CUX2: variants seen among roughly 807,000 people sequenced by gnomAD.
The protein encoded by CUX2 is cut like homeobox 2.
A neutral mutation model predicts 144.8 loss-of-function variants in CUX2; 40 were observed. That is an observed-to-expected ratio of 0.28 (90% confidence interval 0.21 to 0.36). CUX2 has a LOEUF of 0.36. Among genes scored for constraint, CUX2 ranks in the 10% least tolerant of loss-of-function variants. The pLI, the probability that CUX2 is intolerant of heterozygous loss-of-function variation, is 1.00. For synonymous variants in CUX2, 827 were observed against 875.6 expected, an observed-to-expected ratio of 0.94 and a Z score of 0.98; for missense variants, 1,615 against 1,994.0, an observed-to-expected ratio of 0.81 and a Z score of 3.62.
chr12:111,270,384 C>T (rs922058380), intron 4 of CUX2: 1 of 152,008 alleles, frequency 6.6e-6, no homozygotes, highest in Non-Finnish European at 1.5e-5. Flanking sequence ...AAGTGTGCAG[C>T]CTGGATGTCT....
At chr12:111,211,705 G>T (rs765949467) in intron 1 of CUX2, among the ~76,000 whole-genome samples, 1 of 152,086 alleles carries the variant, frequency 6.6e-6, no homozygotes, top group Non-Finnish European at 1.5e-5. Flanking sequence ...CTAACACGGT[G>T]AAACCCTGTC....
At chr12:111,308,146 A>G in intron 12 of CUX2, 139 bp from the exon 13 acceptor site, 1 of 945,414 alleles carries the variant, frequency 1.1e-6, no homozygotes. Context: ...CTGGGGTTGC[A>G]ATGACTCTGG....
chr12:111,296,945 G>GTCCCAGACACGCCTCTACCCTCTGGCCC, intron 8 of CUX2, among the ~76,000 whole-genome samples: 1 of 56,072 alleles, frequency 1.8e-5, no homozygotes, highest in Admixed American at 1.8e-4. Flanking sequence ...CCCTCTGGCC[G>GTCCCAGACACGCCTCTACCCTCTGGCCC]TCCCAGAGAG....
chr12:111,259,073 TTGTG>T (rs72357793), intron 3 of CUX2, among the ~76,000 whole-genome samples: 4 of 89,120 alleles, frequency 4.5e-5, no homozygotes, highest in Non-Finnish European at 6.8e-5. Context: ...GTGTGTGTGT[TTGTG>T]TGTGTGTGTG....
Position 111,300,032 on chromosome 12 carries a change from G to A in CUX2, c.753+1443G>A, listed in dbSNP as rs528914461. On this transcript the variant is annotated intron_variant, in intron 9 of 21. Coordinates refer to ENST00000261726, the MANE Select transcript of CUX2 (RefSeq NM_015267.4). Reference sequence around the variant, plus strand: ...TAGCCAGTTAGCTGGGAACAGAGGCGTGTGCCACCACGCCGTGCTAATTTT... The same window carrying A: ...TAGCCAGTTAGCTGGGAACAGAGGCATGTGCCACCACGCCGTGCTAATTTT... Among the ~76,000 whole-genome samples the A allele has an allele frequency of 1.1e-3, 164 of 152,326 alleles. 1 individual carries two copies. In the South Asian group the frequency reaches 0.013, roughly 12 times the overall value.
At chr12:111,151,096 G>A (rs1877024834) in intron 1 of CUX2, among the ~76,000 whole-genome samples, 1 of 152,182 alleles carries the variant, frequency 6.6e-6, no homozygotes, top group Non-Finnish European at 1.5e-5. Flanking sequence ...AAGAACTATA[G>A]CAGTCATTTA....
In CUX2 at chr12:111,348,399, G is replaced by A; in HGVS notation, c.*74G>A. 7.5e-7 allele frequency: 1 copy of A among 1,332,474 alleles called. No homozygotes were observed. The highest frequency in any genetic ancestry group is 1.0e-6 in the Non-Finnish European group (1 of 961,852). 82.5% of individuals were successfully genotyped at this position (1,332,474 alleles called of 1,614,324 possible). ...TCGCACTTACTCTCCTCAACAGGATGGGGTAAGGGAGGGAGGAACTCAACC... is the reference window on the plus strand; with the variant it reads ...TCGCACTTACTCTCCTCAACAGGATAGGGTAAGGGAGGGAGGAACTCAACC... On this transcript the variant is annotated 3_prime_UTR_variant, in exon 22 of 22. Transcript: ENST00000261726.
intron 16 of CUX2, among the ~76,000 whole-genome samples, chr12:111,313,210 C>G (rs1305022240): frequency 6.7e-6 from 1 of 149,556 alleles, no homozygotes; most frequent in African/African-American, 2.5e-5. Flanking sequence ...TACACGCACG[C>G]GCCACCACAC....
chr12:111,283,879 T>C (rs996206166), intron 4 of CUX2, among the ~76,000 whole-genome samples: 2 of 152,104 alleles, frequency 1.3e-5, no homozygotes, highest in African/African-American at 4.8e-5. Context: ...CTGTGGTATG[T>C]TTTTAATGGC....
chr12:111,046,101 A>G (rs1436810260), intron 1 of CUX2, among the ~76,000 whole-genome samples: 1 of 152,186 alleles, frequency 6.6e-6, no homozygotes, highest in Non-Finnish European at 1.5e-5. Flanking sequence ...CCCTGTAAGG[A>G]CAGGAATCTA....
chr12:111,271,462 T>C (rs1884645057), intron 4 of CUX2, among the ~76,000 whole-genome samples: 1 of 152,238 alleles, frequency 6.6e-6, no homozygotes, highest in South Asian at 2.1e-4. Flanking sequence ...CCAAGTAACT[T>C]TGATTCATTG....
rs190087320 is a variant in CUX2, at chr12:111,191,179, G to A, written c.64-23021G>A. Among the ~76,000 whole-genome samples, 50 of 152,294 alleles carry A rather than the reference G, an allele frequency of 3.3e-4. No individual in the cohort carries two copies. In the East Asian group the frequency reaches 6.7e-3, roughly 21 times the overall value. On this transcript the variant is annotated intron_variant, in intron 1 of 21. Coordinates refer to ENST00000261726, the MANE Select transcript of CUX2 (RefSeq NM_015267.4). ...TCCCATGTATAAAATGGGGATAATG[G>A]TGGTACTCAACTGGTAGAGCTGCAG...
chr12:111,076,213 G>T (rs1188153835), intron 1 of CUX2, among the ~76,000 whole-genome samples: 1 of 152,186 alleles, frequency 6.6e-6, no homozygotes, highest in Non-Finnish European at 1.5e-5. Context: ...AGGCTGGGAT[G>T]TGCAGTTGAG....
chr12:111,328,924 A>AT lies in CUX2; in HGVS notation c.2927-5510dup, dbSNP rs536325521. On this transcript the variant is annotated intron_variant, in intron 18 of 21. Transcript: ENST00000261726. ...CTTCTTTCTGTTTTTCTCACTCTGC[A>AT]TTTTTTTGATTCACCTATCTCTCTC... Among the ~76,000 whole-genome samples the AT allele has an allele frequency of 1.7e-4, 17 of 99,556 alleles. No individual in the cohort carries two copies. The East Asian group carries it at 1.0e-2, about 58-fold the overall frequency. The allele number at this position is 99,556 out of a possible 152,430, so 65.3% of individuals were successfully genotyped here. A position where few individuals can be genotyped will look rare whatever the true frequency, so the allele number is the denominator to read the frequency against.
rs1869506175 is a variant in CUX2 at position 111,037,243 on chromosome 12, C to T, written c.63+3003C>T. Reference sequence around the variant, plus strand: ...CCTGGCTGTTCAGGTTGAATGGTTTCTCGCAGCGTGGTTGCTGAGCATTAA... The same window carrying T: ...CCTGGCTGTTCAGGTTGAATGGTTTTTCGCAGCGTGGTTGCTGAGCATTAA... On this transcript the variant is annotated intron_variant, in intron 1 of 21. Coordinates refer to ENST00000261726, the MANE Select transcript of CUX2 (RefSeq NM_015267.4). This position sits in a 1 kb window ranked among gnomAD's most constrained non-coding sequence, Gnocchi z 5.4. Among the ~76,000 whole-genome samples the T allele has an allele frequency of 6.6e-6, 1 of 152,182 alleles. No individual in the cohort carries two copies. The highest frequency in any genetic ancestry group is 6.5e-5 in the Admixed American group (1 of 15,280).
At chr12:111,143,835 C>T (rs1876491376) in intron 1 of CUX2, among the ~76,000 whole-genome samples, 1 of 152,154 alleles carries the variant, frequency 6.6e-6, no homozygotes, top group Non-Finnish European at 1.5e-5. Context: ...GCTCTGGGGA[C>T]TCAGTTTCCC....
intron 3 of CUX2, among the ~76,000 whole-genome samples, chr12:111,261,375 C>A (rs1182577943): frequency 6.6e-6 from 1 of 150,936 alleles, no homozygotes; most frequent in East Asian, 1.9e-4. Flanking sequence ...ATCAGGGATG[C>A]CCCCCGCCCC....
chr12:111,069,671 C>G (rs1256105846), intron 1 of CUX2, among the ~76,000 whole-genome samples: 2 of 152,080 alleles, frequency 1.3e-5, no homozygotes, highest in Admixed American at 1.3e-4. Context: ...TGTCTTCTCC[C>G]TGTGTCTTCA....
intron 1 of CUX2, among the ~76,000 whole-genome samples, chr12:111,127,212 A>G (rs1875144952): frequency 6.6e-6 from 1 of 152,208 alleles, no homozygotes; most frequent in Admixed American, 6.5e-5. Context: ...ACTTTCTTCC[A>G]CTTTGGGGTT....
Sources: allele counts gnomAD v4.1 joint callset (sites outside exome capture counted in the v4.1 genomes callset), GRCh38; gene constraint gnomAD v4.1.1; non-coding constraint Gnocchi (gnomAD v3.1); transcripts MANE v1.5; gene names NCBI Gene and HGNC (gene_info 2026-07-23, HGNC 2026-07-21).